GABBR2: variants seen among roughly 807,000 people sequenced by gnomAD.
GABBR2 encodes the protein gamma-aminobutyric acid type B receptor subunit 2.
In GABBR2, 23 loss-of-function variants were observed where a neutral mutation model predicts 105.6. The observed-to-expected ratio is 0.22, with a 90% confidence interval of 0.16 to 0.31. The LOEUF (loss-of-function observed/expected upper bound fraction) is 0.31, where lower values mean the gene tolerates loss of function less well. GABBR2 is among the 10% of genes least tolerant of loss of function. The pLI is 1.00. For missense variants in GABBR2, 734 were observed against 1,245.5 expected (o/e 0.59, Z 6.18); for synonymous variants, 478 against 499.7 (o/e 0.96, Z 0.58).
intron 1 of GABBR2, among the ~76,000 whole-genome samples, chr9:98,670,061 T>C (rs541148282): frequency 6.6e-6 from 1 of 152,006 alleles, no homozygotes; most frequent in South Asian, 2.1e-4. Flanking sequence ...TAGGGGAGGA[T>C]GAGGGCCAGG....
chr9:98,692,354 C>CTCTGAGCG (rs1357838470), intron 1 of GABBR2, among the ~76,000 whole-genome samples: 1 of 152,180 alleles, frequency 6.6e-6, no homozygotes, highest in Non-Finnish European at 1.5e-5. Flanking sequence ...TATTAGTCCA[C>CTCTGAGCG]CCAACATCCA....
At chr9:98,355,772 AT>A (rs759866376) in intron 13 of GABBR2, among the ~76,000 whole-genome samples, 42 of 152,220 alleles carry the variant, frequency 2.8e-4, no homozygotes, top group Non-Finnish European at 5.4e-4. Context: ...CTCACACAAC[AT>A]TAAAGAACAA....
At chr9:98,693,934 G>A (rs1212781082) in intron 1 of GABBR2, among the ~76,000 whole-genome samples, 3 of 152,236 alleles carry the variant, frequency 2.0e-5, no homozygotes, top group Admixed American at 6.5e-5. Context: ...GTGTCCAAAG[G>A]AGCCTGGCTG....
intron 2 of GABBR2, among the ~76,000 whole-genome samples, chr9:98,569,599 G>T (rs1037779994): frequency 1.3e-5 from 2 of 152,200 alleles, no homozygotes; most frequent in East Asian, 3.8e-4. Flanking sequence ...TAACAGGAAA[G>T]TGAGGCTAAG....
chr9:98,309,353 C>T lies in GABBR2; in HGVS notation c.2004+1742G>A, dbSNP rs76913800. On this transcript the variant is annotated intron_variant, in intron 14 of 18. Transcript: ENST00000259455. ...TATGATTCATCGTAATCTATTTTCA[C>T]GGAATGAGTCTCAGAATCAAGGAAC... Among the ~76,000 whole-genome samples the T allele has an allele frequency of 3.7e-3, 566 of 152,312 alleles. 2 individuals are homozygous for T. The highest frequency in any genetic ancestry group is 0.012 in the African/African-American group (511 of 41,556).
chr9:98,376,023 C>T (rs2131470060), intron 11 of GABBR2, among the ~76,000 whole-genome samples: 1 of 152,302 alleles, frequency 6.6e-6, no homozygotes, highest in East Asian at 1.9e-4. Flanking sequence ...TTTTTCTCCC[C>T]TTAGCCATCA....
chr9:98,300,852 A>C (rs1260412703), intron 16 of GABBR2, among the ~76,000 whole-genome samples: 1 of 152,220 alleles, frequency 6.6e-6, no homozygotes, highest in Non-Finnish European at 1.5e-5. Flanking sequence ...CTGAGCAGAA[A>C]GGCCTTGCTG....
At chr9:98,693,497 G>C (rs549483311) in intron 1 of GABBR2, among the ~76,000 whole-genome samples, 1 of 152,350 alleles carries the variant, frequency 6.6e-6, no homozygotes, top group African/African-American at 2.4e-5. Flanking sequence ...CCTGCCAGCA[G>C]GCCCCACTAC....
chr9:98,438,802 G>A (rs892253927), intron 7 of GABBR2, among the ~76,000 whole-genome samples: 1 of 152,150 alleles, frequency 6.6e-6, no homozygotes, highest in African/African-American at 2.4e-5. Context: ...AACCTCATGC[G>A]TAAAAAGCAC....
At chr9:98,389,111 T>G in intron 9 of GABBR2, 107 bp from the exon 10 acceptor site, 9 of 906,806 alleles carry the variant, frequency 9.9e-6, no homozygotes, top group African/African-American at 1.7e-5. Context: ...GCACAAACTC[T>G]ACACAAGGCA....
At chr9:98,643,198 C>T (rs1055018906) in intron 1 of GABBR2, among the ~76,000 whole-genome samples, 2 of 152,246 alleles carry the variant, frequency 1.3e-5, no homozygotes, top group African/African-American at 4.8e-5. Context: ...GATATTCACC[C>T]ACCAACCCTG....
intron 11 of GABBR2, among the ~76,000 whole-genome samples, chr9:98,382,062 A>G (rs1364455755): frequency 6.6e-6 from 1 of 152,144 alleles, no homozygotes; most frequent in African/African-American, 2.4e-5. Context: ...GAGAGTTTCT[A>G]AAGGCTGGGC....
chr9:98,515,247 G>A (rs1827734651), intron 3 of GABBR2, among the ~76,000 whole-genome samples: 1 of 152,114 alleles, frequency 6.6e-6, no homozygotes, highest in South Asian at 2.1e-4. Flanking sequence ...TGCAAGAGAG[G>A]CCTCAGCCAA....
intron 1 of GABBR2, among the ~76,000 whole-genome samples, chr9:98,664,714 T>C (rs4743253): frequency 0.93 from 141,328 of 152,250 alleles, 65,725 homozygotes; most frequent in Middle Eastern, 0.97. Context: ...TGCTGGACAC[T>C]GAGTCAGATA....
At chr9:98,707,370 CA>C (rs1209963939) in intron 1 of GABBR2, 1 of 152,310 alleles carries the variant, frequency 6.6e-6, no homozygotes, top group Non-Finnish European at 1.5e-5. Flanking sequence ...CTGCCCCCTT[CA>C]GGCCGCGTCT....
chr9:98,559,956 AAAG>A (rs1233296176), intron 2 of GABBR2, among the ~76,000 whole-genome samples: 4 of 151,456 alleles, frequency 2.6e-5, no homozygotes, highest in Middle Eastern at 3.4e-3. Flanking sequence ...CTTTGCATAA[AAAG>A]AAGAAATGAG....
intron 2 of GABBR2, among the ~76,000 whole-genome samples, chr9:98,574,438 G>A (rs1828881029): frequency 6.6e-6 from 1 of 152,198 alleles, no homozygotes; most frequent in South Asian, 2.1e-4. Context: ...ATGGAGAGGA[G>A]CCACACTGGA....
At chr9:98,588,832 C>G (rs2131793034) in intron 1 of GABBR2, among the ~76,000 whole-genome samples, 1 of 152,248 alleles carries the variant, frequency 6.6e-6, no homozygotes, top group South Asian at 2.1e-4. Context: ...GCCTGTAAAA[C>G]CATTCCATGG....
chr9:98,650,572 A>G (rs1040069606), intron 1 of GABBR2, among the ~76,000 whole-genome samples: 1 of 152,204 alleles, frequency 6.6e-6, no homozygotes, highest in African/African-American at 2.4e-5. Context: ...AAAAAAAGAA[A>G]AGGAGGAGGG....
Sources: gnomAD v4.1 joint callset for allele counts (sites outside exome capture counted in the v4.1 genomes callset) on GRCh38, gnomAD v4.1.1 for gene constraint, MANE v1.5 for transcripts, NCBI Gene and HGNC (gene_info 2026-07-23, HGNC 2026-07-21) for gene names.